Variants in MED9 observed in about 807,000 individuals in gnomAD.
MED9 encodes the protein mediator complex subunit 9.
A neutral mutation model predicts 13.2 loss-of-function variants in MED9; 8 were observed. The observed-to-expected ratio is 0.61, with a 90% confidence interval of 0.36 to 1.10. The LOEUF (loss-of-function observed/expected upper bound fraction) is 1.10. Ranked by LOEUF, MED9 falls within the 50% of genes least tolerant of loss-of-function variation. MED9 has a pLI of 0.02. For missense variants in MED9, 180 were observed against 193.4 expected (o/e 0.93, Z 0.41); for synonymous variants, 87 against 82.8 (o/e 1.05, Z -0.28).
chr17:17,480,437 C>T (rs568972070), intron 1 of MED9, among the ~76,000 whole-genome samples: 13 of 152,182 alleles, frequency 8.5e-5, no homozygotes, highest in African/African-American at 3.1e-4. Context: ...GTGTTTTATT[C>T]TTAAATATAT....
At chr17:17,485,496 A>G (rs1397550309) in intron 1 of MED9, 4 of 388,604 alleles carry the variant, frequency 1.0e-5, no homozygotes, top group East Asian at 3.6e-5. Flanking sequence ...GGCAGTGGCA[A>G]TGGGAGGTGG....
chr17:17,487,843 G>A (rs1316446518), intron 1 of MED9: 1 of 152,264 alleles, frequency 6.6e-6, no homozygotes, highest in East Asian at 1.9e-4. Context: ...CATCTGAGGT[G>A]CCTTGTTAAG....
rs1466996032 is a variant in MED9 at position 17,483,316 on chromosome 17, C to T, written c.224+6051C>T. 6.6e-6 allele frequency among the ~76,000 whole-genome samples: 1 copy of T among 152,226 alleles called. No homozygotes were observed. The highest frequency in any genetic ancestry group is 1.5e-5 in the Non-Finnish European group (1 of 68,042). On this transcript the variant is annotated intron_variant, in intron 1 of 1. Coordinates refer to ENST00000268711, the MANE Select transcript of MED9 (RefSeq NM_018019.3). The surrounding 1 kb of genome is among the most constrained non-coding windows in gnomAD (Gnocchi z 4.2). The stretch of plus-strand genomic sequence containing the variant: ...CAAACTTAGGCCTTTACTCAGGGAT[C>T]TCTGCAGACCATTTTCAGATTGTCT...
chr17:17,482,246 A>G (rs966030989), intron 1 of MED9, among the ~76,000 whole-genome samples: 1 of 152,164 alleles, frequency 6.6e-6, no homozygotes, highest in African/African-American at 2.4e-5. Flanking sequence ...ATTTCTAGCA[A>G]TGGGATATGT....
intron 1 of MED9, among the ~76,000 whole-genome samples, chr17:17,480,513 G>A (rs551990180): frequency 1.5e-4 from 23 of 152,260 alleles, no homozygotes; most frequent in African/African-American, 5.3e-4. Context: ...CGGGTCAGGC[G>A]CGGTGCCTCA....
chr17:17,480,268 C>G (rs889464817), intron 1 of MED9, among the ~76,000 whole-genome samples: 1 of 152,206 alleles, frequency 6.6e-6, no homozygotes, highest in Non-Finnish European at 1.5e-5. Flanking sequence ...CTTCCCCCAC[C>G]TGGCTTCTAG....
intron 1 of MED9, among the ~76,000 whole-genome samples, chr17:17,480,115 G>A (rs979168902): frequency 6.6e-6 from 1 of 152,122 alleles, no homozygotes; most frequent in African/African-American, 2.4e-5. Flanking sequence ...TTACTCTCCC[G>A]AGATTTATTC....
chr17:17,481,189 G>A (rs1393104099), intron 1 of MED9, among the ~76,000 whole-genome samples: 1 of 152,192 alleles, frequency 6.6e-6, no homozygotes, highest in Admixed American at 6.5e-5. Context: ...ACACAGTACT[G>A]GCGGGTGGAG....
intron 1 of MED9, among the ~76,000 whole-genome samples, chr17:17,490,320 C>T (rs1905206541): frequency 6.6e-6 from 1 of 152,224 alleles, no homozygotes; most frequent in Non-Finnish European, 1.5e-5. Context: ...CCTGTAATCC[C>T]AGCTACTCAG....
In MED9 at chr17:17,477,138, C is replaced by T. The variant is rs1235874258; in HGVS notation, c.97C>T (p.Pro33Ser). The part of the protein sequence containing the change: ...PLPDTKPLPP[P>S]QPPPVPAPQP... ...GCCTGACACCAAGCCGCTGCCGCCT[C>T]CTCAGCCGCCGCCGGTCCCTGCGCC... Residue 33 changes from proline to serine, a missense_variant, in exon 1 of 2, where the codon CCT becomes TCT. Physicochemically the swap from Pro to Ser is moderately conservative, Grantham distance 74. Coordinates refer to ENST00000268711, the MANE Select transcript of MED9 (RefSeq NM_018019.3). The T allele has an allele frequency of 6.2e-7, 1 of 1,608,028 alleles. No individual in the cohort carries two copies. The highest frequency in any genetic ancestry group is 1.7e-5 in the Admixed American group (1 of 59,726).
chr17:17,490,511 C>T (rs1905210055), intron 1 of MED9, among the ~76,000 whole-genome samples: 1 of 152,132 alleles, frequency 6.6e-6, no homozygotes, highest in Non-Finnish European at 1.5e-5. Flanking sequence ...TTGTTCTTGC[C>T]TCGTTTTTCA....
intron 1 of MED9, among the ~76,000 whole-genome samples, chr17:17,488,531 T>C (rs1905175960): frequency 6.6e-6 from 1 of 152,126 alleles, no homozygotes; most frequent in Non-Finnish European, 1.5e-5. Flanking sequence ...TTGTCCACTC[T>C]TTAAAAAAAC....
chr17:17,479,461 A>G (rs1904989270), intron 1 of MED9, among the ~76,000 whole-genome samples: 1 of 151,644 alleles, frequency 6.6e-6, no homozygotes, highest in Admixed American at 6.6e-5. Context: ...TGTGAAACAT[A>G]GTGGGTTGAT....
At chr17:17,489,547 A>C (rs1905193957) in intron 1 of MED9, among the ~76,000 whole-genome samples, 2 of 152,240 alleles carry the variant, frequency 1.3e-5, no homozygotes, top group Admixed American at 1.3e-4. Context: ...ACGGTATGTT[A>C]ACACGCATGC....
chr17:17,480,709 A>C (rs772174739), intron 1 of MED9, among the ~76,000 whole-genome samples: 32 of 152,334 alleles, frequency 2.1e-4, no homozygotes, highest in Non-Finnish European at 3.1e-4. Flanking sequence ...GAGAAAGACA[A>C]GACAGAAGAG....
chr17:17,490,236 G>A (rs1425014375), intron 1 of MED9, among the ~76,000 whole-genome samples: 2 of 152,228 alleles, frequency 1.3e-5, no homozygotes, highest in Admixed American at 6.5e-5. Context: ...AGGAGTTCAA[G>A]ACCAGCCTGG....
Position 17,477,274 on chromosome 17 carries a change from C to G in MED9, c.224+9C>G. ...CACAACATCATCAAATGGTAAGAAC[C>G]TAGGAGAGGACCAGGCCCCATACTC... On this transcript the variant is annotated intron_variant, in intron 1 of 1. Transcript: ENST00000268711. The G allele has an allele frequency of 6.3e-7, 1 of 1,575,768 alleles. No homozygotes were observed. Among genetic ancestry groups the G allele is most frequent in the Admixed American group, 1.7e-5 (1 of 57,220 alleles).
At position 17,491,403 on chromosome 17, in the gene MED9, C is replaced by A. The variant is rs1231550188; in HGVS notation, c.349C>A (p.Gln117Lys). 1.2e-6 allele frequency: 2 copies of A among 1,614,062 alleles called. No homozygotes were observed. Among genetic ancestry groups the A allele is most frequent in the Admixed American group, 3.3e-5 (2 of 60,032 alleles). The change falls in exon 2 of 2, where the codon CAG becomes AAG. Residue 117 changes from glutamine (Q) to lysine (K), a missense_variant. Gln to Lys is a moderately conservative substitution (Grantham distance 53). Coordinates refer to ENST00000268711, the MANE Select transcript of MED9 (RefSeq NM_018019.3). Reference protein sequence around the residue: ...IHLSPEQQQQQLQSLREQVRT... With the variant: ...IHLSPEQQQQKLQSLREQVRT... Reference sequence around the variant, plus strand: ...CCTGAGCCCCGAACAGCAGCAGCAGCAGCTGCAGAGCCTCCGGGAGCAAGT... The same window carrying A: ...CCTGAGCCCCGAACAGCAGCAGCAGAAGCTGCAGAGCCTCCGGGAGCAAGT...
At chr17:17,490,055 T>C (rs1327993348) in intron 1 of MED9, among the ~76,000 whole-genome samples, 1 of 152,254 alleles carries the variant, frequency 6.6e-6, no homozygotes, top group Non-Finnish European at 1.5e-5. Context: ...CTCAATGGCT[T>C]ACTTTCAGAA....
Sources: allele counts gnomAD v4.1 joint callset (sites outside exome capture counted in the v4.1 genomes callset), GRCh38; gene constraint gnomAD v4.1.1; non-coding constraint Gnocchi (gnomAD v3.1); transcripts MANE v1.5; gene names NCBI Gene and HGNC (gene_info 2026-07-23, HGNC 2026-07-21).